The following GRK4 variants were observed in gnomAD, a reference collection of about 807,000 sequenced individuals.
GRK4 encodes G protein-coupled receptor kinase 2-like.
A neutral mutation model predicts 77.9 loss-of-function variants in GRK4; 73 were observed. That is an observed-to-expected ratio of 0.94 (90% CI 0.78 to 1.14). The LOEUF is 1.14. GRK4 is among the 50% of genes most tolerant of loss of function. The pLI is 0.00. For synonymous variants in GRK4, 257 were observed against 254.4 expected (o/e 1.01, Z -0.10); for missense variants, 729 against 700.2 (o/e 1.04, Z -0.46).
chr4:2,978,717 G>C (rs1421057906), intron 1 of GRK4, among the ~76,000 whole-genome samples: 1 of 152,206 alleles, frequency 6.6e-6, no homozygotes, highest in Non-Finnish European at 1.5e-5. Flanking sequence ...GGCTGAGGCA[G>C]GAGGGTCGAT....
At chr4:2,984,887 T>C (rs1054821930) in intron 2 of GRK4, among the ~76,000 whole-genome samples, 1 of 152,036 alleles carries the variant, frequency 6.6e-6, no homozygotes, top group African/African-American at 2.4e-5. Context: ...GCTCAAGCAG[T>C]CTGCCCACCT....
At chr4:3,031,790 A>T (rs914799543) in intron 12 of GRK4, among the ~76,000 whole-genome samples, 5 of 152,094 alleles carry the variant, frequency 3.3e-5, no homozygotes, top group African/African-American at 1.2e-4. Flanking sequence ...GCTGGGGGTC[A>T]CTGGGGGGAT....
At chr4:2,977,115 A>G (rs1051878029) in intron 1 of GRK4, among the ~76,000 whole-genome samples, 3 of 152,196 alleles carry the variant, frequency 2.0e-5, no homozygotes, top group Admixed American at 2.0e-4. Context: ...GGGGTCCAGG[A>G]ACAGGCGGCC....
At chr4:2,972,729 T>C (rs971631308) in intron 1 of GRK4, among the ~76,000 whole-genome samples, 10 of 151,970 alleles carry the variant, frequency 6.6e-5, no homozygotes, top group Admixed American at 5.9e-4. Flanking sequence ...GTGTGTTATT[T>C]ACTCTTTAAA....
intron 4 of GRK4, among the ~76,000 whole-genome samples, chr4:2,996,140 G>A (rs1176066147): frequency 1.3e-5 from 2 of 152,216 alleles, no homozygotes; most frequent in East Asian, 3.9e-4. Flanking sequence ...TCACTTGGTG[G>A]AAGTGGAAAG....
chr4:2,979,866 C>T (rs1578013269), intron 1 of GRK4, among the ~76,000 whole-genome samples: 1 of 152,058 alleles, frequency 6.6e-6, no homozygotes, highest in African/African-American at 2.4e-5. Context: ...AGAGCAAGAC[C>T]CTATCTCAAA....
chr4:2,978,677 G>A (rs1406608663), intron 1 of GRK4, among the ~76,000 whole-genome samples: 2 of 152,192 alleles, frequency 1.3e-5, no homozygotes, highest in East Asian at 1.9e-4. Context: ...AGGCAAGGTG[G>A]CTCATGCTTG....
intron 1 of GRK4, among the ~76,000 whole-genome samples, chr4:2,969,977 G>A (rs1253648751): frequency 6.6e-6 from 1 of 152,126 alleles, no homozygotes; most frequent in East Asian, 1.9e-4. Flanking sequence ...CACTACACCC[G>A]GCCTATTAGA....
rs972190958 is a variant in GRK4, at chr4:2,963,823, G to A, written c.-248G>A. The A allele has an allele frequency of 2.7e-5, 15 of 548,694 alleles. No homozygotes were observed. In the East Asian group the frequency reaches 5.0e-4, roughly 18 times the overall value. 34.0% of individuals were successfully genotyped at this position (548,694 alleles called of 1,614,324 possible). ...GCGGCAGCGGTGACAGCTGGGACCC[G>A]CCGCGGTCGGGCTGCCCCCTCCCCT... On this transcript the variant is annotated 5_prime_UTR_variant, in exon 1 of 16. Transcript: ENST00000398052.
In GRK4 at chr4:3,022,424, C is replaced by A; in HGVS notation, c.943C>A (p.Pro315Thr). ...TGTTGTTTCTTGTAGAGACTTGAAG[C>A]CTGAGAATATTCTCCTTGATGATCG... ...RERIVYRDLK[P>T]ENILLDDRGH... is the part of the protein sequence containing the mutation. The change falls in exon 10 of 16, where the codon CCT becomes ACT. Residue 315 changes from proline (P) to threonine (T), a missense_variant. Transcript: ENST00000398052. 1 of 1,613,854 alleles carries A rather than the reference C, an allele frequency of 6.2e-7. No individual in the cohort carries two copies. The highest frequency in any genetic ancestry group is 2.2e-5 in the East Asian group (1 of 44,850).
At chr4:2,971,596 G>A (rs1034619061) in intron 1 of GRK4, among the ~76,000 whole-genome samples, 4 of 152,188 alleles carry the variant, frequency 2.6e-5, no homozygotes, top group African/African-American at 4.8e-5. Context: ...AGAAGAAAGC[G>A]GGGAGGACAG....
At chr4:3,022,748 G>A (rs550747926) in intron 10 of GRK4, among the ~76,000 whole-genome samples, 5 of 152,158 alleles carry the variant, frequency 3.3e-5, no homozygotes, top group East Asian at 1.9e-4. Context: ...GTGCAGTGGT[G>A]TAATCATAGC....
rs748104887 is a variant in GRK4 at position 3,037,354 on chromosome 4, C to T, written c.1408-20C>T. 16 of 1,566,622 alleles carry T rather than the reference C, an allele frequency of 1.0e-5. No homozygotes were observed. Among genetic ancestry groups the T allele is most frequent in the East Asian group, 2.3e-5 (1 of 43,884 alleles). On this transcript the variant is annotated intron_variant, in intron 13 of 15. Transcript: ENST00000398052. ...ATTGCTGTAGTCATCTCAGAGGCTG[C>T]CCCTGTTCTTGCTACACAGCCTCAT...
At chr4:3,035,968 C>G (rs1053844744) in intron 13 of GRK4, among the ~76,000 whole-genome samples, 2 of 151,928 alleles carry the variant, frequency 1.3e-5, no homozygotes, top group African/African-American at 4.8e-5. Flanking sequence ...GAGACCACAG[C>G]CACACACCAC....
chr4:2,963,905 T>A lies in GRK4; in HGVS notation c.-166T>A. On this transcript the variant is annotated 5_prime_UTR_variant, in exon 1 of 16. In the 5' UTR this introduces an upstream ATG that the reference lacks. Transcript: ENST00000398052. ...TGCGGAGGCGGCGGCGGCGGCGCCCTTGGTGGCAGTGGTGGCGGCGGAGCA... is the reference window on the plus strand; with the variant it reads ...TGCGGAGGCGGCGGCGGCGGCGCCCATGGTGGCAGTGGTGGCGGCGGAGCA... The A allele has an allele frequency of 1.5e-6, 1 of 674,556 alleles. No homozygotes were observed. Among genetic ancestry groups the A allele is most frequent in the Admixed American group, 2.4e-5 (1 of 41,488 alleles). 41.8% of individuals were successfully genotyped at this position (674,556 alleles called of 1,614,324 possible). A position where few individuals can be genotyped will look rare whatever the true frequency, so the allele number is the denominator to read the frequency against.
intron 12 of GRK4, among the ~76,000 whole-genome samples, chr4:3,033,460 C>T (rs559572878): frequency 1.3e-5 from 2 of 152,198 alleles, no homozygotes; most frequent in Non-Finnish European, 2.9e-5. Flanking sequence ...TTCAGAGCAT[C>T]CTGGCCCTCG....
chr4:2,998,979 G>A (rs1728763581), intron 4 of GRK4, among the ~76,000 whole-genome samples: 1 of 152,144 alleles, frequency 6.6e-6, no homozygotes, highest in Non-Finnish European at 1.5e-5. Flanking sequence ...CAAAGCTACA[G>A]TAATCAAGAC....
At chr4:2,969,479 C>G (rs149157776) in intron 1 of GRK4, among the ~76,000 whole-genome samples, 2 of 151,446 alleles carry the variant, frequency 1.3e-5, no homozygotes, top group South Asian at 4.2e-4. Flanking sequence ...TGGGTTCAAG[C>G]GATTCTCCTG....
chr4:3,027,037 C>A (rs140013467), intron 10 of GRK4, among the ~76,000 whole-genome samples: 1 of 152,144 alleles, frequency 6.6e-6, no homozygotes, highest in Non-Finnish European at 1.5e-5. Context: ...AGAATGTTTT[C>A]GATAATTTCG....
Sources: gnomAD v4.1 joint callset for allele counts (sites outside exome capture counted in the v4.1 genomes callset) on GRCh38, gnomAD v4.1.1 for gene constraint, MANE v1.5 for transcripts, NCBI Gene and HGNC (gene_info 2026-07-23, HGNC 2026-07-21) for gene names.